The following PCSK5 variants were observed in gnomAD, a reference collection of about 807,000 sequenced individuals.
The protein encoded by PCSK5 is prohormone convertase 5.
A neutral mutation model predicts 233.2 loss-of-function variants in PCSK5; 129 were observed. The observed-to-expected ratio is 0.55, with a 90% CI of 0.48 to 0.64. The LOEUF (loss-of-function observed/expected upper bound fraction) is 0.64, where lower values mean the gene tolerates loss of function less well. Ranked by LOEUF, PCSK5 falls within the 30% of genes least tolerant of loss-of-function variation. PCSK5 has a pLI of 0.00. For synonymous variants in PCSK5, 825 were observed against 879.2 expected, an observed-to-expected ratio of 0.94 and a Z score of 1.09; for missense variants, 2,076 against 2,430.1, an observed-to-expected ratio of 0.85 and a Z score of 3.06.
Position 76,088,388 on chromosome 9 carries a change from A to G in PCSK5, c.895-7502A>G, listed in dbSNP as rs186939504. ...GTTTCCTTTACTCAAATCACCAAAT[A>G]AATAAAGCATAATTAATGAGCGTTT... On this transcript the variant is annotated intron_variant, in intron 7 of 37. Coordinates refer to ENST00000674117, the MANE Select transcript of PCSK5 (RefSeq NM_001372043.1). Among the ~76,000 whole-genome samples the G allele has an allele frequency of 1.4e-4, 21 of 152,364 alleles. No individual in the cohort carries two copies. In the South Asian group the frequency reaches 2.1e-3, roughly 15 times the overall value.
rs1409782392 is a variant in PCSK5 at position 75,900,693 on chromosome 9, AAC to A, written c.192+9322_192+9323del. 1.2e-3 allele frequency among the ~76,000 whole-genome samples: 175 copies of A among 145,322 alleles called. 2 individuals are homozygous for A. The East Asian group carries it at 0.022, about 18-fold the overall frequency. On this transcript the variant is annotated intron_variant, in intron 1 of 37. Coordinates refer to ENST00000674117, the MANE Select transcript of PCSK5 (RefSeq NM_001372043.1). ...GACTCTGTCTCAAAAAAAAAAAAAA[AAC>A]AAACAACTTTTTTTTTTTTTTTTAC...
At chr9:76,222,941 A>T (rs962471157) in intron 20 of PCSK5, among the ~76,000 whole-genome samples, 1 of 152,234 alleles carries the variant, frequency 6.6e-6, no homozygotes. Flanking sequence ...CCTTGCAAAG[A>T]GATAATATTA....
At chr9:76,118,972 G>GTTT (rs1200044779) in intron 9 of PCSK5, among the ~76,000 whole-genome samples, 1 of 151,304 alleles carries the variant, frequency 6.6e-6, no homozygotes, top group Admixed American at 6.6e-5. Context: ...CCTCCCATTT[G>GTTT]TTTTTTTAAA....
intron 19 of PCSK5, 21 bp from the exon 20 acceptor site, chr9:76,189,610 A>C: frequency 2.0e-6 from 3 of 1,503,644 alleles, no homozygotes; most frequent in Non-Finnish European, 2.8e-6. Flanking sequence ...TGGATTAAAA[A>C]ATTGTACATT....
chr9:76,061,706 A>G (rs1830035721), intron 5 of PCSK5, among the ~76,000 whole-genome samples: 3 of 152,186 alleles, frequency 2.0e-5, no homozygotes, highest in Admixed American at 2.0e-4. Flanking sequence ...TCTATTTTAT[A>G]TCTCAAATTA....
At chr9:76,302,301 G>C (rs1042561485) in intron 28 of PCSK5, 84 bp downstream of exon 28, 2 of 607,980 alleles carry the variant, frequency 3.3e-6, no homozygotes, top group Non-Finnish European at 5.1e-6. Context: ...ACCCCAAGAA[G>C]CTGGGAGGCC....
intron 15 of PCSK5, among the ~76,000 whole-genome samples, chr9:76,180,079 G>A (rs2131213536): frequency 1.1e-5 from 1 of 92,420 alleles, no homozygotes; most frequent in East Asian, 2.7e-4. Flanking sequence ...ATATATATGT[G>A]TGTGTGTGTA....
At chr9:76,072,746 G>A (rs1272128232) in intron 7 of PCSK5, among the ~76,000 whole-genome samples, 3 of 152,066 alleles carry the variant, frequency 2.0e-5, no homozygotes, top group African/African-American at 7.2e-5. Flanking sequence ...CGCTTTCCTT[G>A]TTCCTCCTGC....
chr9:76,139,878 C>T (rs1455380630), intron 10 of PCSK5, among the ~76,000 whole-genome samples: 1 of 152,084 alleles, frequency 6.6e-6, no homozygotes, highest in African/African-American at 2.4e-5. Flanking sequence ...ATGATTTACC[C>T]AAACATCTCC....
intron 3 of PCSK5, among the ~76,000 whole-genome samples, chr9:76,019,887 G>T (rs1828107695): frequency 6.6e-6 from 1 of 152,220 alleles, no homozygotes; most frequent in Non-Finnish European, 1.5e-5. Context: ...TCCATTTTAT[G>T]TGTCCAGTGT....
intron 20 of PCSK5, chr9:76,195,365 G>A (rs1402048192): frequency 6.6e-6 from 1 of 152,136 alleles, no homozygotes; most frequent in Non-Finnish European, 1.5e-5. Context: ...GTGATTGATA[G>A]GAAAGATAAA....
At chr9:75,960,744 CT>C (rs1563939213) in intron 2 of PCSK5, among the ~76,000 whole-genome samples, 1 of 152,162 alleles carries the variant, frequency 6.6e-6, no homozygotes. Context: ...CATTCGACAG[CT>C]GTTTCCCGAG....
At chr9:76,351,054 T>A (rs1830109756) in intron 36 of PCSK5, 126 bp downstream of exon 36, 1 of 589,946 alleles carries the variant, frequency 1.7e-6, no homozygotes, top group African/African-American at 1.9e-5. Flanking sequence ...TAGTGTATGT[T>A]TAGTATTTTA....
intron 7 of PCSK5, among the ~76,000 whole-genome samples, chr9:76,094,570 T>C (rs557389151): frequency 6.6e-6 from 1 of 152,172 alleles, no homozygotes; most frequent in African/African-American, 2.4e-5. Context: ...ATATTCTACT[T>C]TGCTTCTATT....
chr9:76,191,673 G>T (rs1824385835), intron 20 of PCSK5, among the ~76,000 whole-genome samples: 1 of 152,148 alleles, frequency 6.6e-6, no homozygotes, highest in African/African-American at 2.4e-5. Context: ...GTGTTCTGAG[G>T]TTTTCTCGCC....
At chr9:75,986,466 G>A (rs965034273) in intron 3 of PCSK5, among the ~76,000 whole-genome samples, 1 of 152,206 alleles carries the variant, frequency 6.6e-6, no homozygotes, top group Non-Finnish European at 1.5e-5. Flanking sequence ...AGGGAGTTCC[G>A]ACTCACAGAA....
At chr9:76,062,792 C>T (rs1830076113) in intron 5 of PCSK5, among the ~76,000 whole-genome samples, 1 of 152,142 alleles carries the variant, frequency 6.6e-6, no homozygotes, top group South Asian at 2.1e-4. Flanking sequence ...TATCTTCTTT[C>T]TGTGGGTAAT....
intron 2 of PCSK5, among the ~76,000 whole-genome samples, chr9:75,966,365 A>G (rs560614591): frequency 4.4e-4 from 67 of 152,356 alleles, no homozygotes; most frequent in African/African-American, 1.6e-3. Context: ...AGTGTGTAGC[A>G]GCATCAAATT....
At chr9:76,198,620 G>T (rs1444512206) in intron 20 of PCSK5, among the ~76,000 whole-genome samples, 2 of 152,182 alleles carry the variant, frequency 1.3e-5, no homozygotes, top group African/African-American at 4.8e-5. Flanking sequence ...AAGGGGGTAA[G>T]AGCCTTTTCT....
Sources: gnomAD v4.1 joint callset for allele counts (sites outside exome capture counted in the v4.1 genomes callset) on GRCh38, gnomAD v4.1.1 for gene constraint, MANE v1.5 for transcripts, NCBI Gene and HGNC (gene_info 2026-07-23, HGNC 2026-07-21) for gene names.